The following FAM234A variants were observed in gnomAD, a reference collection of about 807,000 sequenced individuals.
The protein encoded by FAM234A is family with sequence similarity 234 member A.
A neutral mutation model predicts 49.1 loss-of-function variants in FAM234A; 42 were observed. The ratio of observed to expected loss-of-function variants is 0.86; its 90% CI spans 0.67 to 1.11. The LOEUF (loss-of-function observed/expected upper bound fraction) is 1.11. Ranked by LOEUF, FAM234A falls within the 50% of genes least tolerant of loss-of-function variation. The probability of loss-of-function intolerance (pLI) is 0.00; values close to 1 mark genes in which losing one functional copy is unlikely to be tolerated. For missense variants in FAM234A, 815 were observed against 745.2 expected, an observed-to-expected ratio of 1.09 and a Z score of -1.09; for synonymous variants, 369 against 316.2, an observed-to-expected ratio of 1.17 and a Z score of -1.77.
Position 265,340 on chromosome 16 carries a change from G to A in FAM234A, c.*318G>A, listed in dbSNP as rs985572680. 21 of 1,147,854 alleles carry A rather than the reference G, an allele frequency of 1.8e-5. No individual in the cohort carries two copies. The highest frequency in any genetic ancestry group is 2.3e-5 in the Non-Finnish European group (21 of 931,802). 71.1% of individuals were successfully genotyped at this position (1,147,854 alleles called of 1,614,324 possible). On this transcript the variant is annotated 3_prime_UTR_variant, in exon 13 of 13. Coordinates refer to ENST00000399932, the MANE Select transcript of FAM234A (RefSeq NM_032039.4). ...CTCCCTGGCCACCTTGGGCAGAGCT[G>A]GGTCATGCAGCACCCCATCCTTACC...
At chr16:259,184 T>C (rs1370626921) in intron 3 of FAM234A, among the ~76,000 whole-genome samples, 1 of 152,154 alleles carries the variant, frequency 6.6e-6, no homozygotes, top group Non-Finnish European at 1.5e-5. Flanking sequence ...GTGGACTGTC[T>C]AGATGCCCCC....
At chr16:269,802 G>C (rs761584025), downstream of FAM234A, 1 of 540,660 alleles carries the variant, frequency 1.8e-6, no homozygotes, top group East Asian at 3.1e-5. Flanking sequence ...AGCAAAAAAT[G>C]GCAAGAGCCC....
intron 1 of FAM234A, among the ~76,000 whole-genome samples, chr16:247,736 T>C (rs1216040643): frequency 6.6e-6 from 1 of 152,104 alleles, no homozygotes; most frequent in Non-Finnish European, 1.5e-5. Context: ...CCTGGCCTTA[T>C]TAATGATTTT....
intron 3 of FAM234A, among the ~76,000 whole-genome samples, chr16:255,812 C>T (rs1474990371): frequency 6.6e-6 from 1 of 152,162 alleles, no homozygotes; most frequent in Admixed American, 6.5e-5. Flanking sequence ...TGCAGGCATG[C>T]ACCACCACGC....
Position 251,553 on chromosome 16 carries a change from T to A in FAM234A, c.-34+1899T>A, listed in dbSNP as rs1028589821. ...CCATACCCAACTAATTTTTTTGGTA[T>A]TTTTAGTAGAGACAGAGTCTCGCCA... On this transcript the variant is annotated intron_variant, in intron 2 of 12. Transcript: ENST00000399932. Among the ~76,000 whole-genome samples the A allele has an allele frequency of 3.9e-5, 6 of 151,970 alleles. No individual in the cohort carries two copies. In the East Asian group the frequency reaches 1.2e-3, roughly 29 times the overall value.
chr16:256,386 T>C (rs937714644), intron 3 of FAM234A, among the ~76,000 whole-genome samples: 9 of 152,144 alleles, frequency 5.9e-5, no homozygotes, highest in African/African-American at 2.2e-4. Flanking sequence ...ATTACACTCA[T>C]GCTAGTGGGT....
chr16:269,005 G>T (rs2141396032), downstream of FAM234A: 1 of 1,442,728 alleles, frequency 6.9e-7, no homozygotes, highest in East Asian at 2.5e-5. Flanking sequence ...CCTCTCTTCA[G>T]GTAACAGGCT....
chr16:253,153 C>G (rs570060128), intron 2 of FAM234A, among the ~76,000 whole-genome samples: 19 of 152,148 alleles, frequency 1.2e-4, no homozygotes, highest in Non-Finnish European at 2.5e-4. Flanking sequence ...TTCCCATGTT[C>G]AAATGTGTTT....
In FAM234A at chr16:252,610, G is replaced by T. The variant is rs138390446; in HGVS notation, c.-33-1771G>T. ...TTCACAGCAGCGGCATCATTTTACAGTCCCACCAGCAACGTACGATGTTCT... is the reference window on the plus strand; with the variant it reads ...TTCACAGCAGCGGCATCATTTTACATTCCCACCAGCAACGTACGATGTTCT... On this transcript the variant is annotated intron_variant, in intron 2 of 12. Coordinates refer to ENST00000399932, the MANE Select transcript of FAM234A (RefSeq NM_032039.4). 5.0e-3 allele frequency among the ~76,000 whole-genome samples: 768 copies of T among 152,280 alleles called. 5 individuals carry two copies. The highest frequency in any genetic ancestry group is 6.7e-3 in the Non-Finnish European group (457 of 68,016).
intron 2 of FAM234A, among the ~76,000 whole-genome samples, chr16:251,081 C>T (rs988392615): frequency 5.3e-5 from 8 of 152,202 alleles, no homozygotes; most frequent in East Asian, 1.9e-4. Context: ...CTCAGCCTCC[C>T]GAGTAGCTGG....
intron 3 of FAM234A, among the ~76,000 whole-genome samples, chr16:259,227 G>A (rs777145002): frequency 3.9e-5 from 6 of 152,182 alleles, no homozygotes; most frequent in Non-Finnish European, 8.8e-5. Context: ...CTGAACAGAA[G>A]GTGCCAGAAC....
intron 5 of FAM234A, 187 bp downstream of exon 5, chr16:260,347 G>T: frequency 1.6e-6 from 1 of 617,574 alleles, no homozygotes. Flanking sequence ...ACACGCCTCG[G>T]CTGCCTTCAG....
At chr16:269,015 T>A (rs2051794660), downstream of FAM234A, 1 of 1,400,922 alleles carries the variant, frequency 7.1e-7, no homozygotes, top group East Asian at 2.5e-5. Flanking sequence ...GGTAACAGGC[T>A]CTGCCCTGAC....
At chr16:235,983 T>G (rs948461748) in intron 1 of FAM234A, among the ~76,000 whole-genome samples, 1 of 151,374 alleles carries the variant, frequency 6.6e-6, no homozygotes, top group African/African-American at 2.4e-5. Context: ...TGAAATCCCG[T>G]CTCTACTAAA....
Position 265,118 on chromosome 16 carries a change from C to G in FAM234A, c.*96C>G, listed in dbSNP as rs555763394. 1.4e-5 allele frequency: 20 copies of G among 1,480,470 alleles called. No individual in the cohort carries two copies. In the East Asian group the frequency reaches 2.4e-4, roughly 18 times the overall value. The allele number at this position is 1,480,470 out of a possible 1,614,324, so 91.7% of individuals were successfully genotyped here. A position where few individuals can be genotyped will look rare whatever the true frequency, so the allele number is the denominator to read the frequency against. ...CCCTGGGTCTCTGCACTGACTCCCC[C>G]ACTCCTGACCCTGGTGATGGTCGCC... is the stretch of plus-strand genomic sequence containing the variant. On this transcript the variant is annotated 3_prime_UTR_variant, in exon 13 of 13. Coordinates refer to ENST00000399932, the MANE Select transcript of FAM234A (RefSeq NM_032039.4).
intron 1 of FAM234A, among the ~76,000 whole-genome samples, chr16:236,024 G>T (rs1043731595): frequency 2.8e-4 from 42 of 152,034 alleles, no homozygotes; most frequent in Admixed American, 2.8e-3. Flanking sequence ...ATGGTGGCAG[G>T]TGCCGGTAAT....
rs530937292 is a variant in FAM234A at position 263,509 on chromosome 16, C to G, written c.1112+107C>G. 5 of 1,475,524 alleles carry G rather than the reference C, an allele frequency of 3.4e-6. No homozygotes were observed. In the South Asian group the frequency reaches 6.1e-5, roughly 18 times the overall value. The allele number at this position is 1,475,524 out of a possible 1,614,324, so 91.4% of individuals were successfully genotyped here. A position where few individuals can be genotyped will look rare whatever the true frequency, so the allele number is the denominator to read the frequency against. On this transcript the variant is annotated intron_variant, in intron 9 of 12. Transcript: ENST00000399932. ...CAGCGCTGGGGGTGGGGCCGGAGGCCGTGTGCTGCTGCCCGGGCTTCTTGC... is the reference window on the plus strand; with the variant it reads ...CAGCGCTGGGGGTGGGGCCGGAGGCGGTGTGCTGCTGCCCGGGCTTCTTGC...
At chr16:262,929 C>T (rs541571890) in intron 8 of FAM234A, among the ~76,000 whole-genome samples, 1 of 151,480 alleles carries the variant, frequency 6.6e-6, no homozygotes, top group African/African-American at 2.4e-5. Flanking sequence ...AAGTGATTCT[C>T]CTGCCCCAGC....
chr16:253,667 G>T (rs1013404900), intron 2 of FAM234A, among the ~76,000 whole-genome samples: 1 of 151,966 alleles, frequency 6.6e-6, no homozygotes, highest in Non-Finnish European at 1.5e-5. Context: ...GTAGAGATGG[G>T]GTTTCACCGA....
Sources: allele counts gnomAD v4.1 joint callset (sites outside exome capture counted in the v4.1 genomes callset), GRCh38; gene constraint gnomAD v4.1.1; transcripts MANE v1.5; gene names NCBI Gene and HGNC (gene_info 2026-07-23, HGNC 2026-07-21).